PAH: variants seen among roughly 807,000 people sequenced by gnomAD.
PAH encodes the protein phenylalanine hydroxylase.
PAH carries 64 observed loss-of-function variants against 62.0 expected under a neutral mutation model. The ratio of observed to expected loss-of-function variants is 1.03; its 90% CI spans 0.84 to 1.27. The LOEUF is 1.27. Ranked by LOEUF, PAH falls within the 50% of genes most tolerant of loss-of-function variation. The pLI, the probability that PAH is intolerant of heterozygous loss-of-function variation, is 0.00. For missense variants in PAH, 579 were observed against 542.8 expected (o/e 1.07, Z -0.66); for synonymous variants, 195 against 196.2 (o/e 0.99, Z 0.05).
In PAH at chr12:102,852,912, GCAGGCCAGCCA is replaced by G; in HGVS notation, c.734_744del (p.Val245AlafsTer34). 1 of 1,614,118 alleles carries G rather than the reference GCAGGCCAGCCA, an allele frequency of 6.2e-7. No individual in the cohort carries two copies. Among genetic ancestry groups the G allele is most frequent in the Non-Finnish European group, 8.5e-7 (1 of 1,180,020 alleles). On this transcript the variant is annotated frameshift_variant, in exon 7 of 13. Transcript: ENST00000553106. LOFTEE classifies it high-confidence loss of function. ...CCACCCAAGAAATCCCGAGAGGAAA[GCAGGCCAGCCA>G]CAGGTCGGAGGCGGAAACCAGTGCA... is the stretch of plus-strand genomic sequence containing the variant.
intron 3 of PAH, among the ~76,000 whole-genome samples, chr12:102,891,906 C>T (rs1877291262): frequency 1.3e-5 from 2 of 152,184 alleles, no homozygotes; most frequent in African/African-American, 4.8e-5. Flanking sequence ...CCTGCTCCAA[C>T]CAGAGGCTGA....
At chr12:102,958,192 C>A in intron 1 of PAH, 7 of 1,381,162 alleles carry the variant, frequency 5.1e-6, no homozygotes, top group Non-Finnish European at 6.6e-6. Flanking sequence ...GCGGGCCCCG[C>A]ACCTCGCGTC....
At chr12:102,907,970 G>A (rs765792947) in intron 2 of PAH, among the ~76,000 whole-genome samples, 4 of 151,888 alleles carry the variant, frequency 2.6e-5, no homozygotes, top group African/African-American at 4.8e-5. Flanking sequence ...TTACTAAGGC[G>A]AGAAGTATAC....
intron 3 of PAH, among the ~76,000 whole-genome samples, chr12:102,888,562 G>A (rs770499593): frequency 8.0e-5 from 12 of 150,126 alleles, no homozygotes; most frequent in Non-Finnish European, 1.3e-4. Flanking sequence ...TGCAGAAATA[G>A]CATTTGCTCA....
chr12:102,952,524 C>G (rs946738415), upstream of PAH, among the ~76,000 whole-genome samples: 1 of 152,134 alleles, frequency 6.6e-6, no homozygotes, highest in Non-Finnish European at 1.5e-5. Context: ...TGTATTGATT[C>G]TTTGGAGAGC....
chr12:102,890,731 G>C (rs1592976441), intron 3 of PAH, among the ~76,000 whole-genome samples: 1 of 152,306 alleles, frequency 6.6e-6, no homozygotes, highest in East Asian at 1.9e-4. Flanking sequence ...TTGAATCTGT[G>C]CTTCCTCCAG....
chr12:102,865,971 G>A lies in PAH; in HGVS notation c.509+625C>T, dbSNP rs561578930. 3.6e-4 allele frequency among the ~76,000 whole-genome samples: 55 copies of A among 152,024 alleles called. 1 individual carries two copies. Among genetic ancestry groups the A allele is most frequent in the African/African-American group, 1.2e-3 (51 of 41,472 alleles). On this transcript the variant is annotated intron_variant, in intron 5 of 12. Transcript: ENST00000553106. ...CTAAGTTTCCCATGGTGGCATTTCT[G>A]TAGTTCCTTAAGACTCAAAGGAGCA... is the stretch of plus-strand genomic sequence containing the variant.
chr12:102,894,851 A>C lies in PAH; in HGVS notation c.236T>G (p.Phe79Cys), dbSNP rs1877431161. Reference protein sequence around the residue: ...PSRLKKDEYEFFTHLDKRSLP... With the variant: ...PSRLKKDEYECFTHLDKRSLP... ...GCTACGTTTATCCAAATGGGTGAAAAATTCATACTCATCTTTCTTTAAACG... is the reference window on the plus strand; with the variant it reads ...GCTACGTTTATCCAAATGGGTGAAACATTCATACTCATCTTTCTTTAAACG... The change falls in exon 3 of 13, where the codon TTT becomes TGT. Residue 79 changes from phenylalanine to cysteine, a missense_variant. Phe to Cys is a radical substitution (Grantham distance 205). Transcript: ENST00000553106. 6.2e-7 allele frequency: 1 copy of C among 1,613,742 alleles called. No homozygotes were observed. The highest frequency in any genetic ancestry group is 1.3e-5 in the African/African-American group (1 of 74,862).
At chr12:102,886,193 A>T (rs1877034622) in intron 3 of PAH, 1 of 152,226 alleles carries the variant, frequency 6.6e-6, no homozygotes, top group African/African-American at 2.4e-5. Flanking sequence ...TGGAGACAGC[A>T]GTGGTCAGAA....
rs971502028 is a variant in PAH, at chr12:102,838,848, T to C, written c.*327A>G. The C allele has an allele frequency of 2.1e-5, 8 of 384,822 alleles. No individual in the cohort carries two copies. The East Asian group carries it at 2.2e-4, about 11-fold the overall frequency. 23.8% of individuals were successfully genotyped at this position (384,822 alleles called of 1,614,324 possible). ...TCCTTTATGAGTTCTCTGCAAAGCATATATGAAGCTTGAATGAAGCAGGTC... is the reference window on the plus strand; with the variant it reads ...TCCTTTATGAGTTCTCTGCAAAGCACATATGAAGCTTGAATGAAGCAGGTC... On this transcript the variant is annotated 3_prime_UTR_variant, in exon 13 of 13. Coordinates refer to ENST00000553106, the MANE Select transcript of PAH (RefSeq NM_000277.3).
In PAH at chr12:102,855,222, T is replaced by A; in HGVS notation, c.620A>T (p.Asn207Ile). 1 of 1,614,112 alleles carries A rather than the reference T, an allele frequency of 6.2e-7. No individual in the cohort carries two copies. Among genetic ancestry groups the A allele is most frequent in the Non-Finnish European group, 8.5e-7 (1 of 1,179,958 alleles). Residue 207 changes from asparagine to isoleucine, a missense_variant, in exon 6 of 13, where the codon AAT becomes ATT. Transcript: ENST00000553106. ...LYKTHACYEY[N>I]HIFPLLEKYC... ...CTTTTCAAGAAGTGGAAAAATGTGA[T>A]TGTACTCATAGCAAGCATGGGTTTT... is the stretch of plus-strand genomic sequence containing the variant.
At chr12:102,858,381 C>A (rs544780580) in intron 5 of PAH, among the ~76,000 whole-genome samples, 1 of 152,068 alleles carries the variant, frequency 6.6e-6, no homozygotes, top group Non-Finnish European at 1.5e-5. Context: ...GTAATGAGAG[C>A]GTTTAACACC....
chr12:102,926,381 A>G (rs1388354776), intron 1 of PAH, among the ~76,000 whole-genome samples: 1 of 151,768 alleles, frequency 6.6e-6, no homozygotes, highest in Non-Finnish European at 1.5e-5. Context: ...AGTAAATGGG[A>G]CTTTTCTGAG....
At chr12:102,862,297 A>C (rs1875763054) in intron 5 of PAH, among the ~76,000 whole-genome samples, 3 of 152,196 alleles carry the variant, frequency 2.0e-5, no homozygotes, top group African/African-American at 7.2e-5. Flanking sequence ...AACTAATGGA[A>C]GAGAAAACCA....
At chr12:102,916,100 A>G (rs551410034) in intron 1 of PAH, among the ~76,000 whole-genome samples, 115 of 152,140 alleles carry the variant, frequency 7.6e-4, no homozygotes, top group Admixed American at 2.2e-3. Flanking sequence ...TCCTCTGTAC[A>G]ATAAGTTCTG....
Position 102,957,771 on chromosome 12 carries a change from G to A in PAH, c.-96+424C>T, listed in dbSNP as rs567265029. The A allele has an allele frequency of 8.1e-4, 125 of 154,278 alleles. 1 individual carries two copies. Among genetic ancestry groups the A allele is most frequent in the Non-Finnish European group, 1.6e-3 (108 of 69,482 alleles). The allele number at this position is 154,278 out of a possible 1,614,324, so 9.6% of individuals were successfully genotyped here. A position where few individuals can be genotyped will look rare whatever the true frequency, so the allele number is the denominator to read the frequency against. On this transcript the variant is annotated intron_variant, in intron 1 of 4. Transcript: ENST00000551337. This position sits in a 1 kb window ranked among gnomAD's most constrained non-coding sequence, Gnocchi z 4.1. The stretch of plus-strand genomic sequence containing the variant: ...AAGAAGGAAATCAGAAAGGAAGGGA[G>A]TTAACAAAATAATAAAAACAGCCTG...
At chr12:102,887,401 T>C (rs1469263913) in intron 3 of PAH, among the ~76,000 whole-genome samples, 6 of 151,816 alleles carry the variant, frequency 4.0e-5, no homozygotes, top group Admixed American at 3.9e-4. Flanking sequence ...CCTCATACAA[T>C]CCCACACATG....
upstream of PAH, among the ~76,000 whole-genome samples, chr12:102,951,347 G>C (rs1879754876): frequency 6.6e-6 from 1 of 152,110 alleles, no homozygotes; most frequent in South Asian, 2.1e-4. Flanking sequence ...ACTGTTCTGA[G>C]GGTCAACGAA....
chr12:102,897,484 T>TAC (rs1264987216), intron 2 of PAH, among the ~76,000 whole-genome samples: 4 of 131,802 alleles, frequency 3.0e-5, no homozygotes, highest in African/African-American at 1.5e-4. Context: ...TATATATATA[T>TAC]ATATATATAA....
Sources: allele counts gnomAD v4.1 joint callset (sites outside exome capture counted in the v4.1 genomes callset), GRCh38; gene constraint gnomAD v4.1.1; non-coding constraint Gnocchi (gnomAD v3.1); transcripts MANE v1.5; gene names NCBI Gene and HGNC (gene_info 2026-07-23, HGNC 2026-07-21).